LIPG: variants seen among roughly 807,000 people sequenced by gnomAD.
LIPG encodes the protein endothelial lipase.
LIPG carries 34 observed loss-of-function variants against 51.8 expected under a neutral mutation model. The ratio of observed to expected loss-of-function variants is 0.66; its 90% CI spans 0.50 to 0.87. LIPG has a LOEUF of 0.87. Ranked by LOEUF, LIPG falls within the 40% of genes least tolerant of loss-of-function variation. The pLI is 0.00. For missense variants in LIPG, 580 were observed against 652.7 expected, an observed-to-expected ratio of 0.89 and a Z score of 1.21; for synonymous variants, 246 against 246.1, an observed-to-expected ratio of 1.00 and a Z score of 0.00.
chr18:49,561,863 G>C (rs1014139720), upstream of LIPG: 19 of 1,269,350 alleles, frequency 1.5e-5, no homozygotes, highest in Non-Finnish European at 1.9e-5. Flanking sequence ...CCGGGAGGAA[G>C]CGGGGCCGAG....
Position 49,567,622 on chromosome 18 carries a change from G to A in LIPG, c.459+1G>A, listed in dbSNP as rs750878428. 2 of 1,613,760 alleles carry A rather than the reference G, an allele frequency of 1.2e-6. No homozygotes were observed. The highest frequency in any genetic ancestry group is 1.7e-6 in the Non-Finnish European group (2 of 1,179,956). Reference sequence around the variant, plus strand: ...TGCCAGGATGCTCGACTGGCTGCAGGTACTGGGGGATGAGAGGGAGTCTCC... The same window carrying A: ...TGCCAGGATGCTCGACTGGCTGCAGATACTGGGGGATGAGAGGGAGTCTCC... On this transcript the variant is annotated splice_donor_variant, in intron 3 of 9. Coordinates refer to ENST00000261292, the MANE Select transcript of LIPG (RefSeq NM_006033.4). LOFTEE classifies it high-confidence loss of function.
In LIPG at chr18:49,586,737, C is replaced by A. The variant is rs1216964108; in HGVS notation, c.1377-9C>A. On this transcript the variant is annotated splice_polypyrimidine_tract_variant and intron_variant, in intron 8 of 9. Coordinates refer to ENST00000261292, the MANE Select transcript of LIPG (RefSeq NM_006033.4). ...TCTGCCTACATCAGTGGTTTCTTTT[C>A]CCTCCTAGACTGACATTTTGTACAG... 6.2e-7 allele frequency: 1 copy of A among 1,604,206 alleles called. No homozygotes were observed. Among genetic ancestry groups the A allele is most frequent in the Admixed American group, 1.7e-5 (1 of 60,008 alleles).
In LIPG at chr18:49,581,806, T is replaced by C. The variant is rs539025497; in HGVS notation, c.1036+149T>C. The C allele has an allele frequency of 3.0e-6, 3 of 989,564 alleles. No homozygotes were observed. The African/African-American group carries it at 4.8e-5, about 16-fold the overall frequency. 61.3% of individuals were successfully genotyped at this position (989,564 alleles called of 1,614,324 possible). Reference sequence around the variant, plus strand: ...TGCAAATCAGATTACACTGTGCATGTCCTAGGAAAGGGAATCTTTACAAAA... The same window carrying C: ...TGCAAATCAGATTACACTGTGCATGCCCTAGGAAAGGGAATCTTTACAAAA... On this transcript the variant is annotated intron_variant, in intron 6 of 9. Coordinates refer to ENST00000261292, the MANE Select transcript of LIPG (RefSeq NM_006033.4).
At position 49,595,620 on chromosome 18, in the gene LIPG, G is replaced by T. The variant is rs1350681841; in HGVS notation, c.*5098G>T. The T allele has an allele frequency of 2.0e-5, 3 of 152,242 alleles. No individual in the cohort carries two copies. Among genetic ancestry groups the T allele is most frequent in the African/African-American group, 7.2e-5 (3 of 41,464 alleles). The allele number at this position is 152,242 out of a possible 1,614,324, so 9.4% of individuals were successfully genotyped here. ...TGAGATGGGAGGATCACGAGGTCAG[G>T]AGTGCGAGACCAGCCTGGCCAATAT... On this transcript the variant is annotated 3_prime_UTR_variant, in exon 10 of 10. Coordinates refer to ENST00000261292, the MANE Select transcript of LIPG (RefSeq NM_006033.4).
At chr18:49,561,664 G>A (rs994284496), upstream of LIPG, 41 of 1,238,214 alleles carry the variant, frequency 3.3e-5, no homozygotes, top group Non-Finnish European at 3.8e-5. Flanking sequence ...CAGAGAGAGT[G>A]TGGCTTTGAG....
chr18:49,596,322 AC>A lies in LIPG; in HGVS notation c.*5801del, dbSNP rs1453598965. 6.6e-6 allele frequency: 1 copy of A among 152,192 alleles called. No homozygotes were observed. The highest frequency in any genetic ancestry group is 2.4e-5 in the African/African-American group (1 of 41,444). The allele number at this position is 152,192 out of a possible 1,614,324, so 9.4% of individuals were successfully genotyped here. A position where few individuals can be genotyped will look rare whatever the true frequency, so the allele number is the denominator to read the frequency against. On this transcript the variant is annotated 3_prime_UTR_variant, in exon 10 of 10. Coordinates refer to ENST00000261292, the MANE Select transcript of LIPG (RefSeq NM_006033.4). ...AAATAGAACAATGAATATTAAATAA[AC>A]TAAAATGCTAATAAAATGTACTCCT...
chr18:49,566,521 A>G (rs116304923), intron 2 of LIPG, among the ~76,000 whole-genome samples: 98 of 152,294 alleles, frequency 6.4e-4, no homozygotes, highest in African/African-American at 2.3e-3. Flanking sequence ...AAATCTATCT[A>G]TTTGATAATG....
At chr18:49,568,221 G>A (rs1600544914) in intron 3 of LIPG, among the ~76,000 whole-genome samples, 1 of 151,986 alleles carries the variant, frequency 6.6e-6, no homozygotes, top group African/African-American at 2.4e-5. Flanking sequence ...TAGTAGAGAT[G>A]GGATTTCGCT....
chr18:49,561,891 G>A, upstream of LIPG: 1 of 1,284,506 alleles, frequency 7.8e-7, no homozygotes, highest in South Asian at 3.2e-5. Context: ...CGTCCACGCG[G>A]TGAGTGTGCA....
At chr18:49,561,933 T>TTCCGGCGTCAGCAAGGTGTGACCA, upstream of LIPG, 1 of 1,339,740 alleles carries the variant, frequency 7.5e-7, no homozygotes, top group South Asian at 2.4e-5. Context: ...CCAGTCTCGG[T>TTCCGGCGTCAGCAAGGTGTGACCA]TCCGGCGTCA....
chr18:49,580,387 T>C (rs900105177), intron 5 of LIPG, among the ~76,000 whole-genome samples: 7 of 152,200 alleles, frequency 4.6e-5, no homozygotes, highest in East Asian at 3.8e-4. Flanking sequence ...TTGTGGGCCG[T>C]ATTGCCTCTG....
rs2084952039 is a variant in LIPG at position 49,592,164 on chromosome 18, T to C, written c.*1642T>C. ...TTTCTAAGGACATTGTTTTAATCTG[T>C]ATCGTGCCAAAGTTGTATCACTGTT... On this transcript the variant is annotated 3_prime_UTR_variant, in exon 10 of 10. Transcript: ENST00000261292. The C allele has an allele frequency of 6.6e-6, 1 of 152,222 alleles. No individual in the cohort carries two copies. Among genetic ancestry groups the C allele is most frequent in the Non-Finnish European group, 1.5e-5 (1 of 68,046 alleles). The allele number at this position is 152,222 out of a possible 1,614,324, so 9.4% of individuals were successfully genotyped here. A position where few individuals can be genotyped will look rare whatever the true frequency, so the allele number is the denominator to read the frequency against.
At chr18:49,581,838 G>A in intron 6 of LIPG, 181 bp downstream of exon 6, 1 of 741,316 alleles carries the variant, frequency 1.3e-6, no homozygotes, top group Non-Finnish European at 2.3e-6. Context: ...AAAATAAACA[G>A]TGTGGACCCC....
chr18:49,582,293 G>T (rs552653551), intron 6 of LIPG, 69 bp from the exon 7 acceptor site: 7 of 1,603,084 alleles, frequency 4.4e-6, no homozygotes, highest in Non-Finnish European at 6.0e-6. Context: ...TGGTGACTCA[G>T]TTTGGGTCAG....
At chr18:49,564,491 T>C (rs182456317) in intron 1 of LIPG, among the ~76,000 whole-genome samples, 16 of 152,336 alleles carry the variant, frequency 1.1e-4, no homozygotes, top group Admixed American at 1.0e-3. Flanking sequence ...GGGGGGATTT[T>C]TGTTGCTTTT....
rs552003772 is a variant in LIPG at position 49,572,355 on chromosome 18, CA to C, written c.571+2813del. ...AAATAAAAAATAAAAAACAAACAAA[CA>C]AAAAACACCTCATATATGACAGCTA... On this transcript the variant is annotated intron_variant, in intron 4 of 9. Coordinates refer to ENST00000261292, the MANE Select transcript of LIPG (RefSeq NM_006033.4). Among the ~76,000 whole-genome samples, 1,337 of 151,778 alleles carry C rather than the reference CA, an allele frequency of 8.8e-3. 13 individuals are homozygous for C. Among genetic ancestry groups the C allele is most frequent in the African/African-American group, 0.031 (1,287 of 41,368 alleles).
At chr18:49,580,824 T>C (rs996164340) in intron 5 of LIPG, among the ~76,000 whole-genome samples, 1 of 152,134 alleles carries the variant, frequency 6.6e-6, no homozygotes, top group African/African-American at 2.4e-5. Context: ...TAGCACTTAT[T>C]ATATGGGCGT....
intron 5 of LIPG, among the ~76,000 whole-genome samples, chr18:49,580,050 G>A (rs1367661120): frequency 1.3e-5 from 2 of 152,104 alleles, no homozygotes; most frequent in African/African-American, 4.8e-5. Context: ...CTGTCCTCAG[G>A]TGATCCACCC....
chr18:49,566,034 G>A (rs898666191), intron 2 of LIPG, among the ~76,000 whole-genome samples: 25 of 152,192 alleles, frequency 1.6e-4, no homozygotes, highest in Admixed American at 9.8e-4. Context: ...ACAAAAAAGG[G>A]CTTTAGTGCT....
Sources: allele counts gnomAD v4.1 joint callset (sites outside exome capture counted in the v4.1 genomes callset), GRCh38; gene constraint gnomAD v4.1.1; transcripts MANE v1.5; gene names NCBI Gene and HGNC (gene_info 2026-07-23, HGNC 2026-07-21).